The following THSD7B variants were observed in gnomAD, a reference collection of about 807,000 sequenced individuals.
THSD7B encodes thrombospondin type 1 domain containing 7B.
THSD7B carries 138 observed loss-of-function variants against 213.6 expected under a neutral mutation model. That is an observed-to-expected ratio of 0.65 (90% CI 0.56 to 0.74). THSD7B has a LOEUF of 0.74. Ranked by LOEUF, THSD7B falls within the 30% of genes least tolerant of loss-of-function variation. The pLI, the probability that THSD7B is intolerant of heterozygous loss-of-function variation, is 0.00. For missense variants in THSD7B, 1,931 were observed against 1,991.5 expected (o/e 0.97, Z 0.58); for synonymous variants, 742 against 687.0 (o/e 1.08, Z -1.25).
intron 1 of THSD7B, among the ~76,000 whole-genome samples, chr2:136,770,103 A>G (rs935390615): frequency 3.3e-5 from 5 of 152,180 alleles, no homozygotes; most frequent in Non-Finnish European, 7.3e-5. Context: ...CGAACAGCTC[A>G]TTACTTCTGG....
At chr2:136,990,904 G>A in intron 2 of THSD7B, 2 of 1,349,276 alleles carry the variant, frequency 1.5e-6, no homozygotes, top group Non-Finnish European at 2.0e-6. Flanking sequence ...GCATAACACA[G>A]CAGATGAGGT....
intron 12 of THSD7B, among the ~76,000 whole-genome samples, chr2:137,290,122 T>C (rs1046561262): frequency 4.0e-5 from 6 of 151,032 alleles, no homozygotes; most frequent in South Asian, 2.1e-4. Flanking sequence ...TTTTTTTTTT[T>C]TTTTTTTTAG....
At chr2:136,959,031 T>G (rs1685175425) in intron 2 of THSD7B, among the ~76,000 whole-genome samples, 1 of 152,120 alleles carries the variant, frequency 6.6e-6, no homozygotes, top group African/African-American at 2.4e-5. Flanking sequence ...CTATTCAGAT[T>G]CTCTCCAAGC....
Position 137,548,660 on chromosome 2 carries a change from T to C in THSD7B, c.3139-14561T>C, listed in dbSNP as rs540557048. On this transcript the variant is annotated intron_variant, in intron 15 of 27. Coordinates refer to ENST00000409968, the MANE Select transcript of THSD7B (RefSeq NM_001316349.2). The stretch of plus-strand genomic sequence containing the variant: ...TTATTCTGTACACGTCATGGCCCTG[T>C]GTACAGTTTATGAGAATTACATTTC... Among the ~76,000 whole-genome samples the C allele has an allele frequency of 3.9e-5, 6 of 152,170 alleles. No individual in the cohort carries two copies. In the East Asian group the frequency reaches 9.7e-4, roughly 25 times the overall value.
chr2:137,646,880 T>C (rs1345077756), intron 21 of THSD7B, among the ~76,000 whole-genome samples: 1 of 152,174 alleles, frequency 6.6e-6, no homozygotes. Context: ...CTAATGTTTG[T>C]GACTGCTCAG....
chr2:136,934,619 A>G (rs1184544789), intron 2 of THSD7B, among the ~76,000 whole-genome samples: 1 of 152,174 alleles, frequency 6.6e-6, no homozygotes, highest in Non-Finnish European at 1.5e-5. Flanking sequence ...ATGAAGATAG[A>G]CAACTATCAT....
chr2:137,316,759 AAAAAAAAAAAG>A (rs1243388943), intron 12 of THSD7B, among the ~76,000 whole-genome samples: 11 of 83,954 alleles, frequency 1.3e-4, no homozygotes, highest in Non-Finnish European at 2.6e-4. Flanking sequence ...CTCTGTCTCA[AAAAAAAAAAAG>A]AAAAAGAAAA....
At chr2:137,297,766 T>C (rs10204425) in intron 12 of THSD7B, among the ~76,000 whole-genome samples, 60,714 of 152,032 alleles carry the variant, frequency 0.4, 12,226 homozygotes, top group South Asian at 0.52. Context: ...GGGTTTCAGC[T>C]GTTGGTTCTT....
chr2:137,472,594 T>G (rs540065928), intron 15 of THSD7B, among the ~76,000 whole-genome samples: 29 of 152,348 alleles, frequency 1.9e-4, no homozygotes, highest in Middle Eastern at 3.4e-3. Flanking sequence ...TGCATCAGTC[T>G]TTTACAACGG....
At chr2:137,092,390 G>A (rs767188451) in intron 3 of THSD7B, among the ~76,000 whole-genome samples, 1 of 151,966 alleles carries the variant, frequency 6.6e-6, no homozygotes, top group Non-Finnish European at 1.5e-5. Context: ...CCCAGCCTGA[G>A]TATCAGAGTG....
chr2:136,777,449 C>T (rs1168897359), intron 1 of THSD7B, among the ~76,000 whole-genome samples: 1 of 152,104 alleles, frequency 6.6e-6, no homozygotes, highest in East Asian at 1.9e-4. Flanking sequence ...TGTATTCTGC[C>T]CTCACTGGTC....
chr2:137,204,265 A>G (rs1320438612), intron 7 of THSD7B, among the ~76,000 whole-genome samples: 1 of 141,192 alleles, frequency 7.1e-6, no homozygotes, highest in Non-Finnish European at 1.5e-5. Flanking sequence ...AGAAATATCT[A>G]CATCAAATTC....
chr2:137,291,659 A>G (rs146480818), intron 12 of THSD7B, among the ~76,000 whole-genome samples: 26 of 152,272 alleles, frequency 1.7e-4, no homozygotes, highest in African/African-American at 6.0e-4. Context: ...TGCTTATGAG[A>G]GTTTAATCTC....
At chr2:137,467,818 G>A (rs938785498) in intron 15 of THSD7B, among the ~76,000 whole-genome samples, 1 of 152,072 alleles carries the variant, frequency 6.6e-6, no homozygotes, top group African/African-American at 2.4e-5. Context: ...ATTCTATCTT[G>A]CAAGCTATTT....
At chr2:137,255,447 T>C (rs1201762643) in intron 10 of THSD7B, among the ~76,000 whole-genome samples, 1 of 151,738 alleles carries the variant, frequency 6.6e-6, no homozygotes, top group Non-Finnish European at 1.5e-5. Flanking sequence ...GTGAGGGAGG[T>C]GTAGAGAGTC....
intron 27 of THSD7B, 95 bp from the exon 28 acceptor site, chr2:137,676,429 T>TA: frequency 8.8e-7 from 1 of 1,141,158 alleles, no homozygotes; most frequent in Middle Eastern, 2.0e-4. Context: ...TTTGTCATTT[T>TA]ACCGCTTAAA....
intron 15 of THSD7B, among the ~76,000 whole-genome samples, chr2:137,468,145 A>T (rs1394344687): frequency 1.3e-5 from 2 of 152,216 alleles, no homozygotes; most frequent in African/African-American, 4.8e-5. Context: ...TTGTAACAAT[A>T]GCAGCTGGCA....
intron 20 of THSD7B, among the ~76,000 whole-genome samples, chr2:137,640,177 G>T (rs1045012477): frequency 6.6e-6 from 1 of 152,076 alleles, no homozygotes; most frequent in South Asian, 2.1e-4. Context: ...GAATCATGGG[G>T]GCCAGTCTTT....
chr2:137,327,051 A>G (rs1449377338), intron 12 of THSD7B, among the ~76,000 whole-genome samples: 2 of 152,222 alleles, frequency 1.3e-5, no homozygotes, highest in Non-Finnish European at 2.9e-5. Flanking sequence ...TTTTATTTCT[A>G]TTTGACTAAG....
Sources: allele counts gnomAD v4.1 joint callset (sites outside exome capture counted in the v4.1 genomes callset), GRCh38; gene constraint gnomAD v4.1.1; transcripts MANE v1.5; gene names NCBI Gene and HGNC (gene_info 2026-07-23, HGNC 2026-07-21).